DIP2C: variants seen among roughly 807,000 people sequenced by gnomAD.
The protein encoded by DIP2C is disco-interacting protein 2 homolog C.
DIP2C carries 33 observed loss-of-function variants against 192.4 expected under a neutral mutation model. The ratio of observed to expected loss-of-function variants is 0.17; its 90% confidence interval spans 0.13 to 0.23. DIP2C has a LOEUF of 0.23. DIP2C is among the 10% of genes least tolerant of loss of function. DIP2C has a pLI of 1.00. For synonymous variants in DIP2C, 979 were observed against 864.1 expected (o/e 1.13, Z -2.33); for missense variants, 1,537 against 2,110.1 (o/e 0.73, Z 5.32).
chr10:404,401 G>A (rs1410790261), intron 9 of DIP2C, among the ~76,000 whole-genome samples: 3 of 152,114 alleles, frequency 2.0e-5, no homozygotes, highest in African/African-American at 7.2e-5. Context: ...TGTAGATACA[G>A]GGTTTCACCA....
intron 1 of DIP2C, among the ~76,000 whole-genome samples, chr10:622,240 C>T (rs1335028362): frequency 2.8e-5 from 4 of 141,350 alleles, no homozygotes; most frequent in East Asian, 2.1e-4. Flanking sequence ...CTCCACCCCT[C>T]GCCCAGGAGA....
chr10:471,234 C>G (rs1970600615), intron 3 of DIP2C, among the ~76,000 whole-genome samples: 1 of 152,136 alleles, frequency 6.6e-6, no homozygotes, highest in Non-Finnish European at 1.5e-5. Flanking sequence ...TCAGGTGTGT[C>G]CTCTTTTGCA....
At chr10:574,985 G>A (rs1016703486) in intron 1 of DIP2C, among the ~76,000 whole-genome samples, 70 of 152,122 alleles carry the variant, frequency 4.6e-4, no homozygotes, top group Admixed American at 2.9e-3. Context: ...CTCTGCCCAC[G>A]AGACAGCAGA....
chr10:639,108 GA>G (rs1854993470), intron 1 of DIP2C, among the ~76,000 whole-genome samples: 1 of 151,924 alleles, frequency 6.6e-6, no homozygotes, highest in African/African-American at 2.4e-5. Flanking sequence ...AGGTCGGGAG[GA>G]TGCTGCCCGG....
At chr10:397,705 T>A (rs1964107478) in intron 10 of DIP2C, among the ~76,000 whole-genome samples, 1 of 152,214 alleles carries the variant, frequency 6.6e-6, no homozygotes. Flanking sequence ...CCACTTCATG[T>A]CTCTTACAGT....
intron 1 of DIP2C, among the ~76,000 whole-genome samples, chr10:633,810 G>A (rs1854671971): frequency 6.6e-6 from 1 of 152,224 alleles, no homozygotes; most frequent in East Asian, 1.9e-4. Context: ...CCTGGGTTAG[G>A]TACGCGGTGG....
chr10:471,629 C>T (rs1970641839), intron 3 of DIP2C, among the ~76,000 whole-genome samples: 1 of 152,176 alleles, frequency 6.6e-6, no homozygotes, highest in South Asian at 2.1e-4. Flanking sequence ...TCGCCCCTAC[C>T]CTCACCGGTG....
intron 29 of DIP2C, among the ~76,000 whole-genome samples, chr10:330,292 ATTCT>A (rs1484967213): frequency 6.6e-6 from 1 of 152,170 alleles, no homozygotes; most frequent in East Asian, 1.9e-4. Context: ...AAAAATAACG[ATTCT>A]TTAATTTTAC....
chr10:476,706 C>A (rs1471682342), intron 2 of DIP2C, among the ~76,000 whole-genome samples: 1 of 152,188 alleles, frequency 6.6e-6, no homozygotes, highest in African/African-American at 2.4e-5. Flanking sequence ...TCTCCTGGTA[C>A]CTGCAGTGGT....
chr10:675,029 T>C (rs1161608270), intron 1 of DIP2C, among the ~76,000 whole-genome samples: 1 of 151,954 alleles, frequency 6.6e-6, no homozygotes, highest in Non-Finnish European at 1.5e-5. Context: ...CTAGAATCAA[T>C]CACATGCTAG....
chr10:415,707 T>TA lies in DIP2C; in HGVS notation c.859+61dup, dbSNP rs1389938955. The stretch of plus-strand genomic sequence containing the variant: ...AGTAAAATAGCCTTGCAGAAAAAAA[T>TA]ATCATTGTTTACGGGACCATAGGAG... On this transcript the variant is annotated intron_variant, in intron 7 of 36. Transcript: ENST00000280886. 5 of 1,578,186 alleles carry TA rather than the reference T, an allele frequency of 3.2e-6. No individual in the cohort carries two copies. In the African/African-American group the frequency reaches 6.8e-5, roughly 22 times the overall value.
chr10:567,154 A>G (rs527719949), intron 1 of DIP2C, among the ~76,000 whole-genome samples: 3 of 152,152 alleles, frequency 2.0e-5, no homozygotes, highest in South Asian at 4.2e-4. Flanking sequence ...ACTCCGGCGG[A>G]AGGAGGACAG....
chr10:502,555 A>C (rs971852788), intron 1 of DIP2C, among the ~76,000 whole-genome samples: 6 of 152,132 alleles, frequency 3.9e-5, no homozygotes, highest in African/African-American at 7.2e-5. Context: ...AACAGAAAGG[A>C]GGAAACTCAA....
intron 2 of DIP2C, among the ~76,000 whole-genome samples, chr10:483,619 T>TA (rs1446047264): frequency 2.6e-5 from 4 of 152,200 alleles, no homozygotes; most frequent in Non-Finnish European, 2.9e-5. Context: ...ACCTCGTGGC[T>TA]AAAACCCAGC....
chr10:277,713 C>G (rs1376847884), intron 36 of DIP2C, 136 bp from the exon 37 acceptor site: 1 of 1,200,676 alleles, frequency 8.3e-7, no homozygotes, highest in Non-Finnish European at 1.1e-6. Flanking sequence ...TCTCCACGTC[C>G]TCCGTCTGCC....
At chr10:448,399 C>T (rs1413010596) in intron 3 of DIP2C, among the ~76,000 whole-genome samples, 11 of 142,720 alleles carry the variant, frequency 7.7e-5, no homozygotes, top group African/African-American at 2.7e-4. Flanking sequence ...CGCAGTGGGG[C>T]AGCAGGACCC....
At chr10:480,596 A>C (rs1022827802) in intron 2 of DIP2C, among the ~76,000 whole-genome samples, 3 of 152,274 alleles carry the variant, frequency 2.0e-5, no homozygotes, top group African/African-American at 7.2e-5. Context: ...CACAAAACCC[A>C]CGTGAGCAGT....
In DIP2C at chr10:689,588, GC is replaced by G; in HGVS notation, c.-11del. The G allele has an allele frequency of 8.6e-7, 1 of 1,156,658 alleles. No individual in the cohort carries two copies. The highest frequency in any genetic ancestry group is 4.9e-5 in the East Asian group (1 of 20,262). 71.6% of individuals were successfully genotyped at this position (1,156,658 alleles called of 1,614,324 possible). ...GGCTGCGGTCCGCCATGCTCCGCGG[GC>G]GCCGCGCCCCGCACGGCCTCCTCTT... is the stretch of plus-strand genomic sequence containing the variant. On this transcript the variant is annotated 5_prime_UTR_variant, in exon 1 of 37. Transcript: ENST00000280886. The surrounding 1 kb of genome is among the most constrained non-coding windows in gnomAD (Gnocchi z 6.1).
At chr10:444,712 A>G (rs1968020840) in intron 3 of DIP2C, among the ~76,000 whole-genome samples, 1 of 152,226 alleles carries the variant, frequency 6.6e-6, no homozygotes, top group Admixed American at 6.5e-5. Context: ...CTCTCTGCTC[A>G]ATTCAAGGCT....
Sources: allele counts gnomAD v4.1 joint callset (sites outside exome capture counted in the v4.1 genomes callset), GRCh38; gene constraint gnomAD v4.1.1; non-coding constraint Gnocchi (gnomAD v3.1); transcripts MANE v1.5; gene names NCBI Gene and HGNC (gene_info 2026-07-23, HGNC 2026-07-21).